The following KITLG variants were observed in gnomAD, a reference collection of about 807,000 sequenced individuals.
KITLG encodes KIT ligand.
KITLG carries 13 observed loss-of-function variants against 34.1 expected under a neutral mutation model. The ratio of observed to expected loss-of-function variants is 0.38; its 90% CI spans 0.25 to 0.61. The LOEUF (loss-of-function observed/expected upper bound fraction) is 0.61. Ranked by LOEUF, KITLG falls within the 20% of genes least tolerant of loss-of-function variation. The probability of loss-of-function intolerance (pLI) is 0.60; values close to 1 mark genes in which losing one functional copy is unlikely to be tolerated. For synonymous variants in KITLG, 110 were observed against 104.0 expected (o/e 1.06, Z -0.35); for missense variants, 292 against 318.9 (o/e 0.92, Z 0.64).
chr12:88,529,102 C>T (rs745878292), intron 3 of KITLG, among the ~76,000 whole-genome samples: 1 of 152,066 alleles, frequency 6.6e-6, no homozygotes, highest in Non-Finnish European at 1.5e-5. Flanking sequence ...CAAAATATCA[C>T]GTGTACCCCA....
intron 7 of KITLG, 74 bp downstream of exon 7, chr12:88,506,939 TTTTCTTAAAGGATCA>T (rs1209843007): frequency 1.2e-6 from 1 of 827,344 alleles, no homozygotes; most frequent in African/African-American, 1.7e-5. Flanking sequence ...GAATTCACTG[TTTTCTTAAAGGATCA>T]TTTCTTGAGG....
intron 3 of KITLG, among the ~76,000 whole-genome samples, chr12:88,527,925 A>C (rs1869940071): frequency 6.6e-6 from 1 of 152,218 alleles, no homozygotes; most frequent in African/African-American, 2.4e-5. Flanking sequence ...CATAAAGACA[A>C]AGAAAGCCTG....
Position 88,572,407 on chromosome 12 carries a change from ATT to A in KITLG, c.15+7855_15+7856del, listed in dbSNP as rs1274865926. Among the ~76,000 whole-genome samples, 8 of 151,382 alleles carry A rather than the reference ATT, an allele frequency of 5.3e-5. No individual in the cohort carries two copies. In the East Asian group the frequency reaches 1.5e-3, roughly 29 times the overall value. On this transcript the variant is annotated intron_variant, in intron 1 of 9. Transcript: ENST00000644744. ...GCAAGCCTAATAAATGCCTAAATACATTTTTTTCTTAAAGACCCTAGTTTCAT... is the reference window on the plus strand; with the variant it reads ...GCAAGCCTAATAAATGCCTAAATACATTTTTCTTAAAGACCCTAGTTTCAT...
In KITLG at chr12:88,560,403, T is replaced by C. The variant is rs117778642; in HGVS notation, c.16-14538A>G. 1.8e-4 allele frequency among the ~76,000 whole-genome samples: 28 copies of C among 152,300 alleles called. No individual in the cohort carries two copies. The East Asian group carries it at 4.6e-3, about 25-fold the overall frequency. ...ACAACCCATTTTTTAAAAAATGTGT[T>C]TTCTTTTTAATTGCACATAATAATT... On this transcript the variant is annotated intron_variant, in intron 1 of 9. Coordinates refer to ENST00000644744, the MANE Select transcript of KITLG (RefSeq NM_000899.5).
intron 1 of KITLG, among the ~76,000 whole-genome samples, chr12:88,562,726 C>G (rs932630180): frequency 6.6e-6 from 1 of 152,130 alleles, no homozygotes; most frequent in Non-Finnish European, 1.5e-5. Flanking sequence ...AAGTGGAAAA[C>G]TAGGCTATAA....
intron 1 of KITLG, among the ~76,000 whole-genome samples, chr12:88,564,849 T>C (rs573001830): frequency 2.7e-4 from 41 of 152,314 alleles, no homozygotes; most frequent in African/African-American, 9.9e-4. Flanking sequence ...TATATGTTTT[T>C]AAAAGTACAT....
intron 1 of KITLG, among the ~76,000 whole-genome samples, chr12:88,578,104 T>C (rs184315033): frequency 7.2e-4 from 109 of 152,294 alleles, no homozygotes; most frequent in African/African-American, 2.5e-3. Context: ...CCATGCAGCA[T>C]TGCACAGAAA....
intron 1 of KITLG, 79 bp downstream of exon 1, chr12:88,580,185 A>G: frequency 2.1e-6 from 3 of 1,452,296 alleles, no homozygotes; most frequent in African/African-American, 1.4e-5. Flanking sequence ...TGCAAGTCCC[A>G]GGGAGCGCCG....
At chr12:88,497,873 G>C (rs1868701431) in intron 9 of KITLG, among the ~76,000 whole-genome samples, 1 of 152,142 alleles carries the variant, frequency 6.6e-6, no homozygotes, top group South Asian at 2.1e-4. Flanking sequence ...GGAAATAGCA[G>C]CAGAAAGATT....
At position 88,494,228 on chromosome 12, in the gene KITLG, A is replaced by G. The variant is rs569842723; in HGVS notation, c.*2991T>C. ...GCCAAAATGCATTTTTGAAGAATAT[A>G]TTTTTTAAATATACATAATGCCTAA... On this transcript the variant is annotated 3_prime_UTR_variant, in exon 10 of 10. Coordinates refer to ENST00000644744, the MANE Select transcript of KITLG (RefSeq NM_000899.5). 2.1e-3 allele frequency: 322 copies of G among 152,036 alleles called. 2 individuals carry two copies. The highest frequency in any genetic ancestry group is 7.4e-3 in the African/African-American group (309 of 41,532). 9.4% of individuals were successfully genotyped at this position (152,036 alleles called of 1,614,324 possible).
chr12:88,563,003 T>G (rs1003894167), intron 1 of KITLG, among the ~76,000 whole-genome samples: 2 of 152,200 alleles, frequency 1.3e-5, no homozygotes, highest in African/African-American at 4.8e-5. Flanking sequence ...GTAGACACTG[T>G]CCTGCAGTAA....
rs565088194 is a variant in KITLG at position 88,495,924 on chromosome 12, T to C, written c.*1295A>G. The C allele has an allele frequency of 2.6e-5, 4 of 152,198 alleles. No homozygotes were observed. The highest frequency in any genetic ancestry group is 5.9e-5 in the Non-Finnish European group (4 of 68,032). 9.4% of individuals were successfully genotyped at this position (152,198 alleles called of 1,614,324 possible). A position where few individuals can be genotyped will look rare whatever the true frequency, so the allele number is the denominator to read the frequency against. On this transcript the variant is annotated 3_prime_UTR_variant, in exon 10 of 10. Transcript: ENST00000644744. ...AAAAAATTGGCAAGGGATATTCACATAATGTCTTACAAGTTCTAGTTTAAA... is the reference window on the plus strand; with the variant it reads ...AAAAAATTGGCAAGGGATATTCACACAATGTCTTACAAGTTCTAGTTTAAA...
intron 7 of KITLG, 41 bp downstream of exon 7, chr12:88,506,986 TA>T: frequency 9.7e-7 from 1 of 1,030,754 alleles, no homozygotes; most frequent in Non-Finnish European, 1.5e-6. Flanking sequence ...ATAATTTATG[TA>T]AACATAGCAT....
intron 6 of KITLG, among the ~76,000 whole-genome samples, chr12:88,510,176 T>C (rs1238407079): frequency 6.6e-6 from 1 of 152,232 alleles, no homozygotes. Flanking sequence ...AATTGTGCTA[T>C]AATTTTGCTG....
intron 1 of KITLG, among the ~76,000 whole-genome samples, chr12:88,556,390 TG>T (rs1160781715): frequency 6.6e-6 from 1 of 152,028 alleles, no homozygotes. Context: ...AAGGATGGAC[TG>T]GGGGAGAGAG....
At chr12:88,553,755 C>T (rs989939737) in intron 1 of KITLG, among the ~76,000 whole-genome samples, 1 of 152,162 alleles carries the variant, frequency 6.6e-6, no homozygotes, top group African/African-American at 2.4e-5. Flanking sequence ...TCTGTGTGCA[C>T]TGTTACAACC....
chr12:88,509,726 T>C (rs1869202738), intron 6 of KITLG, among the ~76,000 whole-genome samples: 1 of 152,178 alleles, frequency 6.6e-6, no homozygotes, highest in African/African-American at 2.4e-5. Context: ...ATTTCACTTG[T>C]TCATGCGTGG....
At chr12:88,500,064 A>G (rs112120980) in intron 9 of KITLG, among the ~76,000 whole-genome samples, 2 of 152,242 alleles carry the variant, frequency 1.3e-5, no homozygotes, top group Admixed American at 6.5e-5. Context: ...ACCCTTTCTC[A>G]AACCGATGCT....
intron 1 of KITLG, among the ~76,000 whole-genome samples, chr12:88,561,865 C>T (rs1907703): frequency 0.66 from 100,128 of 152,080 alleles, 36,704 homozygotes; most frequent in Middle Eastern, 0.86. Flanking sequence ...TTGCCAATGG[C>T]AAGTTGTTCT....
Sources: allele counts gnomAD v4.1 joint callset (sites outside exome capture counted in the v4.1 genomes callset), GRCh38; gene constraint gnomAD v4.1.1; transcripts MANE v1.5; gene names NCBI Gene and HGNC (gene_info 2026-07-23, HGNC 2026-07-21).